GTF2IRD1: variants seen among roughly 807,000 people sequenced by gnomAD.
GTF2IRD1 encodes the protein general transcription factor II-I repeat domain-containing protein 1.
A neutral mutation model predicts 113.2 loss-of-function variants in GTF2IRD1; 26 were observed. That is an observed-to-expected ratio of 0.23 (90% confidence interval 0.17 to 0.32). The LOEUF (loss-of-function observed/expected upper bound fraction) is 0.32, where lower values mean the gene tolerates loss of function less well. Ranked by LOEUF, GTF2IRD1 falls within the 10% of genes least tolerant of loss-of-function variation. GTF2IRD1 has a pLI of 1.00. For missense variants in GTF2IRD1, 864 were observed against 1,280.8 expected (o/e 0.67, Z 4.97); for synonymous variants, 484 against 529.1 (o/e 0.91, Z 1.17).
intron 1 of GTF2IRD1, among the ~76,000 whole-genome samples, chr7:74,465,686 T>C (rs906446337): frequency 1.3e-5 from 2 of 152,092 alleles, no homozygotes; most frequent in East Asian, 3.9e-4. Flanking sequence ...ACCCCATCAT[T>C]CCAAGATCTG....
At chr7:74,566,656 A>G (rs1583905846) in intron 22 of GTF2IRD1, among the ~76,000 whole-genome samples, 1 of 152,006 alleles carries the variant, frequency 6.6e-6, no homozygotes, top group Non-Finnish European at 1.5e-5. Flanking sequence ...CATACTTACG[A>G]TTTGCCGGTT....
intron 1 of GTF2IRD1, among the ~76,000 whole-genome samples, chr7:74,496,488 T>G (rs1795716598): frequency 9.6e-6 from 1 of 104,230 alleles, no homozygotes; most frequent in East Asian, 2.8e-4. Flanking sequence ...TGCACGTATG[T>G]GTGTGTGTGT....
chr7:74,466,573 G>A (rs1352094977), intron 1 of GTF2IRD1, among the ~76,000 whole-genome samples: 6 of 152,068 alleles, frequency 3.9e-5, no homozygotes, highest in African/African-American at 1.4e-4. Flanking sequence ...CCCCTAGAGC[G>A]TGCGTAATGC....
intron 1 of GTF2IRD1, among the ~76,000 whole-genome samples, chr7:74,479,165 G>T (rs1794593939): frequency 6.6e-6 from 1 of 152,160 alleles, no homozygotes; most frequent in Non-Finnish European, 1.5e-5. Flanking sequence ...TGACCCGACA[G>T]TTCCTCCGCC....
chr7:74,585,914 A>G (rs1801691487), intron 22 of GTF2IRD1, among the ~76,000 whole-genome samples: 1 of 151,906 alleles, frequency 6.6e-6, no homozygotes, highest in African/African-American at 2.4e-5. Flanking sequence ...AAGAAACTGT[A>G]GAGGAATCTG....
chr7:74,592,944 G>A (rs1420661449), intron 24 of GTF2IRD1, among the ~76,000 whole-genome samples: 9 of 151,808 alleles, frequency 5.9e-5, no homozygotes, highest in African/African-American at 2.2e-4. Flanking sequence ...TGTAACCTCT[G>A]CCTCTTGGAT....
chr7:74,560,500 TTA>T (rs1799883883), intron 22 of GTF2IRD1, among the ~76,000 whole-genome samples: 2 of 146,674 alleles, frequency 1.4e-5, no homozygotes, highest in East Asian at 3.9e-4. Flanking sequence ...AATAAAAATA[TTA>T]TATATAATTA....
In GTF2IRD1 at chr7:74,555,119, C is replaced by T. The variant is rs1477384246; in HGVS notation, c.1917-55C>T. 7.9e-6 allele frequency: 12 copies of T among 1,528,658 alleles called. No individual in the cohort carries two copies. Among genetic ancestry groups the T allele is most frequent in the Middle Eastern group, 3.4e-4 (2 of 5,890 alleles). The allele number at this position is 1,528,658 out of a possible 1,614,324, so 94.7% of individuals were successfully genotyped here. A position where few individuals can be genotyped will look rare whatever the true frequency, so the allele number is the denominator to read the frequency against. On this transcript the variant is annotated intron_variant, in intron 17 of 26. Transcript: ENST00000424337. The surrounding 1 kb of genome is among the most constrained non-coding windows in gnomAD (Gnocchi z 5.3). ...CTGAGGCCCAGAGAGGAGGGCTGAG[C>T]AGTCCCAGAGATGCTTGGAGGGACC...
chr7:74,543,895 A>C (rs74708559), intron 14 of GTF2IRD1, among the ~76,000 whole-genome samples: 7 of 151,326 alleles, frequency 4.6e-5, no homozygotes, highest in African/African-American at 1.5e-4. Context: ...AAAAAAAAAA[A>C]ACAATTAGCT....
intron 19 of GTF2IRD1, 135 bp from the exon 20 acceptor site, chr7:74,557,504 C>A: frequency 1.6e-6 from 1 of 613,416 alleles, no homozygotes; most frequent in Non-Finnish European, 2.9e-6. Flanking sequence ...GCTGAAGGAC[C>A]TGAGGGGCCC....
chr7:74,459,010 C>T (rs1246561593), intron 1 of GTF2IRD1, among the ~76,000 whole-genome samples: 3 of 152,104 alleles, frequency 2.0e-5, no homozygotes, highest in African/African-American at 7.2e-5. Context: ...CTCCACTCGT[C>T]CTGTGGAACT....
Position 74,536,168 on chromosome 7 carries a change from G to C in GTF2IRD1, c.1302G>C (p.Gly434=), listed in dbSNP as rs587626338. ...TGACCTCCCTGACTCTCCCCACAGG[G>C]AACAAGTTTACCAAAGACACCACGA... The part of the protein sequence containing the change: ...KRMFDERIFT[G]NKFTKDTTKL... The change falls in exon 11 of 27, where the codon GGG becomes GGC. Residue 434 remains glycine (G), a splice_region_variant and synonymous_variant. Transcript: ENST00000424337. The C allele has an allele frequency of 1.6e-5, 25 of 1,610,150 alleles. No homozygotes were observed. The highest frequency in any genetic ancestry group is 1.4e-4 in the South Asian group (13 of 90,992).
chr7:74,584,092 A>G (rs1286979228), intron 22 of GTF2IRD1, among the ~76,000 whole-genome samples: 1 of 152,132 alleles, frequency 6.6e-6, no homozygotes, highest in Non-Finnish European at 1.5e-5. Context: ...GCCAGGAAAA[A>G]GAGACTCAAG....
chr7:74,468,194 A>G (rs781845858), intron 1 of GTF2IRD1, among the ~76,000 whole-genome samples: 8 of 152,098 alleles, frequency 5.3e-5, no homozygotes, highest in South Asian at 2.1e-4. Flanking sequence ...AACTGTAAAT[A>G]TAGCAAATAT....
intron 1 of GTF2IRD1, among the ~76,000 whole-genome samples, chr7:74,465,914 C>T (rs1406544146): frequency 6.6e-6 from 1 of 152,102 alleles, no homozygotes; most frequent in African/African-American, 2.4e-5. Flanking sequence ...GGATCACGGG[C>T]GCCCGCCACC....
In GTF2IRD1 at chr7:74,538,133, C is replaced by T; in HGVS notation, c.1410-3C>T. 5 of 1,612,074 alleles carry T rather than the reference C, an allele frequency of 3.1e-6. No homozygotes were observed. Among genetic ancestry groups the T allele is most frequent in the Non-Finnish European group, 4.2e-6 (5 of 1,179,658 alleles). Reference sequence around the variant, plus strand: ...AGGTGTCATTTCCTGCTTCCCTTCACAGGTCAGACAAGGGCAGCATGTCTG... The same window carrying T: ...AGGTGTCATTTCCTGCTTCCCTTCATAGGTCAGACAAGGGCAGCATGTCTG... On this transcript the variant is annotated splice_region_variant and splice_polypyrimidine_tract_variant and intron_variant, in intron 11 of 26. Transcript: ENST00000424337.
chr7:74,499,880 GTGAA>G (rs1190440766), intron 1 of GTF2IRD1, among the ~76,000 whole-genome samples: 4 of 151,948 alleles, frequency 2.6e-5, no homozygotes, highest in East Asian at 1.9e-4. Context: ...GAATGAATGA[GTGAA>G]TGTACACACC....
chr7:74,589,794 C>T (rs1801944346), intron 22 of GTF2IRD1, 57 bp from the exon 23 acceptor site: 10 of 1,030,150 alleles, frequency 9.7e-6, no homozygotes, highest in African/African-American at 1.6e-5. Context: ...GGAGAAGCAG[C>T]AGGTCCAGTG....
At chr7:74,495,180 G>GT (rs1225868515) in intron 1 of GTF2IRD1, among the ~76,000 whole-genome samples, 1 of 152,246 alleles carries the variant, frequency 6.6e-6, no homozygotes, top group African/African-American at 2.4e-5. Context: ...GGTGTCTGGG[G>GT]TGGGAGAGTG....
Sources: gnomAD v4.1 joint callset for allele counts (sites outside exome capture counted in the v4.1 genomes callset) on GRCh38, gnomAD v4.1.1 for gene constraint, Gnocchi (gnomAD v3.1) non-coding constraint, MANE v1.5 for transcripts, NCBI Gene and HGNC (gene_info 2026-07-23, HGNC 2026-07-21) for gene names.